Variants in INPP5A observed in about 807,000 individuals in gnomAD.
The protein encoded by INPP5A is inositol polyphosphate-5-phosphatase A.
In INPP5A, 14 loss-of-function variants were observed where a neutral mutation model predicts 65.2. The ratio of observed to expected loss-of-function variants is 0.21; its 90% CI spans 0.14 to 0.34. The LOEUF is 0.34. INPP5A is among the 10% of genes least tolerant of loss of function. The pLI is 1.00. For synonymous variants in INPP5A, 207 were observed against 208.3 expected (o/e 0.99, Z 0.05); for missense variants, 431 against 545.6 (o/e 0.79, Z 2.09).
chr10:132,597,690 T>C (rs1266434735), intron 1 of INPP5A, among the ~76,000 whole-genome samples: 3 of 152,248 alleles, frequency 2.0e-5, no homozygotes, highest in African/African-American at 7.2e-5. Context: ...TGTCCTTTAG[T>C]GTGTGCTGCA....
At chr10:132,655,387 C>T (rs2072642506) in intron 4 of INPP5A, among the ~76,000 whole-genome samples, 1 of 152,220 alleles carries the variant, frequency 6.6e-6, no homozygotes, top group Non-Finnish European at 1.5e-5. Context: ...CCCACACAGG[C>T]CTCGACACTG....
At chr10:132,751,353 AG>A (rs1211861628) in intron 11 of INPP5A, among the ~76,000 whole-genome samples, 1 of 152,174 alleles carries the variant, frequency 6.6e-6, no homozygotes, top group African/African-American at 2.4e-5. Flanking sequence ...GGCAAGCCTA[AG>A]GTTTCCTCCG....
chr10:132,710,188 CAGGT>C, intron 7 of INPP5A, 145 bp from the exon 8 acceptor site: 1 of 767,482 alleles, frequency 1.3e-6, no homozygotes, highest in Non-Finnish European at 2.1e-6. Flanking sequence ...TGTCGGAAGA[CAGGT>C]GGGTGGACAG....
intron 1 of INPP5A, among the ~76,000 whole-genome samples, chr10:132,552,474 T>C (rs2071067745): frequency 1.5e-5 from 2 of 134,302 alleles, no homozygotes; most frequent in African/African-American, 2.8e-5. Context: ...GTGAATGCCT[T>C]CTCAGAGCCT....
intron 8 of INPP5A, among the ~76,000 whole-genome samples, chr10:132,711,686 C>T (rs548869625): frequency 3.3e-5 from 5 of 152,376 alleles, no homozygotes; most frequent in South Asian, 4.1e-4. Context: ...CATCCTCAGA[C>T]GCCGACCTTC....
chr10:132,782,121 G>A lies in INPP5A; in HGVS notation c.*92G>A, dbSNP rs531470433. The A allele has an allele frequency of 1.6e-4, 248 of 1,531,936 alleles. No homozygotes were observed. In the African/African-American group the frequency reaches 2.7e-3, roughly 17 times the overall value. 94.9% of individuals were successfully genotyped at this position (1,531,936 alleles called of 1,614,324 possible). On this transcript the variant is annotated 3_prime_UTR_variant, in exon 16 of 16. Coordinates refer to ENST00000368594, the MANE Select transcript of INPP5A (RefSeq NM_005539.5). This position sits in a 1 kb window ranked among gnomAD's most constrained non-coding sequence, Gnocchi z 4.4. ...AATACGCACTCTTGAAAGCTGCATCGAGAACCCGCCCAAGCGCCACCTGCT... is the reference window on the plus strand; with the variant it reads ...AATACGCACTCTTGAAAGCTGCATCAAGAACCCGCCCAAGCGCCACCTGCT...
chr10:132,703,321 T>C (rs1020329632), intron 6 of INPP5A, among the ~76,000 whole-genome samples: 1 of 152,058 alleles, frequency 6.6e-6, no homozygotes, highest in Non-Finnish European at 1.5e-5. Context: ...TTCCCATCCA[T>C]GTTGACCGCA....
chr10:132,645,995 A>G (rs2072488649), intron 3 of INPP5A, 27 bp downstream of exon 3: 1 of 1,512,734 alleles, frequency 6.6e-7, no homozygotes, highest in Non-Finnish European at 9.2e-7. Context: ...GTGCTGGTGC[A>G]TGTCCACTTC....
chr10:132,742,437 A>T (rs1846291633), intron 9 of INPP5A, among the ~76,000 whole-genome samples: 1 of 152,136 alleles, frequency 6.6e-6, no homozygotes, highest in Non-Finnish European at 1.5e-5. Context: ...TGTGGAAGTC[A>T]GCCCCAGGTC....
chr10:132,725,643 C>G (rs746760879), intron 8 of INPP5A, among the ~76,000 whole-genome samples: 1 of 152,220 alleles, frequency 6.6e-6, no homozygotes, highest in Non-Finnish European at 1.5e-5. Flanking sequence ...CAAGAGGGCA[C>G]AGTGCTCCCA....
intron 4 of INPP5A, among the ~76,000 whole-genome samples, chr10:132,668,362 G>T (rs1403094106): frequency 6.6e-6 from 1 of 152,186 alleles, no homozygotes; most frequent in Non-Finnish European, 1.5e-5. Flanking sequence ...GTAACTTATT[G>T]ATGCTGCCAT....
intron 8 of INPP5A, among the ~76,000 whole-genome samples, chr10:132,713,098 A>C (rs567787908): frequency 6.7e-6 from 1 of 148,318 alleles, no homozygotes; most frequent in African/African-American, 2.5e-5. Context: ...ATATGTGTGC[A>C]GGTACATGTG....
chr10:132,634,239 CCGGAGAGGCG>C (rs2072309001), intron 2 of INPP5A, among the ~76,000 whole-genome samples: 3 of 151,904 alleles, frequency 2.0e-5, no homozygotes, highest in Admixed American at 1.3e-4. Flanking sequence ...CGGGTGTGCC[CCGGAGAGGCG>C]TGTCATCTCC....
chr10:132,689,045 A>G (rs983684967), intron 4 of INPP5A, among the ~76,000 whole-genome samples: 1 of 152,202 alleles, frequency 6.6e-6, no homozygotes, highest in Non-Finnish European at 1.5e-5. Context: ...TAATGTTTGC[A>G]AGCGTGTGGT....
chr10:132,596,935 G>GCATGTGTGCATGTGCGCA (rs1554932704), intron 1 of INPP5A, among the ~76,000 whole-genome samples: 2 of 26,028 alleles, frequency 7.7e-5, no homozygotes, highest in African/African-American at 2.0e-4. Context: ...GCATGTGCAC[G>GCATGTGTGCATGTGCGCA]CATGTGTGCG....
Position 132,627,805 on chromosome 10 carries a change from G to A in INPP5A, c.118-18063G>A, listed in dbSNP as rs2072208487. Among the ~76,000 whole-genome samples, 1 of 152,122 alleles carries A rather than the reference G, an allele frequency of 6.6e-6. No individual in the cohort carries two copies. The highest frequency in any genetic ancestry group is 1.5e-5 in the Non-Finnish European group (1 of 68,022). On this transcript the variant is annotated intron_variant, in intron 2 of 15. Coordinates refer to ENST00000368594, the MANE Select transcript of INPP5A (RefSeq NM_005539.5). This position sits in a 1 kb window ranked among gnomAD's most constrained non-coding sequence, Gnocchi z 6.6. ...TCATCCTCAGGGTAACGGCAGCCAC[G>A]GACAGATTTGTGAGGACCTTTGGTT...
intron 2 of INPP5A, among the ~76,000 whole-genome samples, chr10:132,626,052 G>A (rs1386828285): frequency 1.3e-5 from 2 of 152,224 alleles, no homozygotes; most frequent in African/African-American, 4.8e-5. Context: ...CGCCCCTCGG[G>A]TACCACAGAT....
chr10:132,556,600 T>TC (rs1286242816), intron 1 of INPP5A, among the ~76,000 whole-genome samples: 4 of 152,150 alleles, frequency 2.6e-5, no homozygotes, highest in Non-Finnish European at 5.9e-5. Flanking sequence ...CACATGTGCA[T>TC]CACACACATG....
rs1217844275 is a variant in INPP5A at position 132,637,281 on chromosome 10, T to C, written c.118-8587T>C. ...TATCTTTATCTTTGAAATCTTGGAGTTGATTACTTTGGGTTAATTTTCTGA... is the reference window on the plus strand; with the variant it reads ...TATCTTTATCTTTGAAATCTTGGAGCTGATTACTTTGGGTTAATTTTCTGA... On this transcript the variant is annotated intron_variant, in intron 2 of 15. Coordinates refer to ENST00000368594, the MANE Select transcript of INPP5A (RefSeq NM_005539.5). This position sits in a 1 kb window ranked among gnomAD's most constrained non-coding sequence, Gnocchi z 4.1. Among the ~76,000 whole-genome samples, 2 of 152,214 alleles carry C rather than the reference T, an allele frequency of 1.3e-5. No homozygotes were observed. Among genetic ancestry groups the C allele is most frequent in the African/African-American group, 4.8e-5 (2 of 41,456 alleles).
Sources: allele counts gnomAD v4.1 joint callset (sites outside exome capture counted in the v4.1 genomes callset), GRCh38; gene constraint gnomAD v4.1.1; non-coding constraint Gnocchi (gnomAD v3.1); transcripts MANE v1.5; gene names NCBI Gene and HGNC (gene_info 2026-07-23, HGNC 2026-07-21).